The following STK31 variants were observed in gnomAD, a reference collection of about 807,000 sequenced individuals.
The protein encoded by STK31 is serine/threonine-protein kinase 31.
STK31 carries 89 observed loss-of-function variants against 129.7 expected under a neutral mutation model. The observed-to-expected ratio is 0.69, with a 90% CI of 0.58 to 0.82. STK31 has a LOEUF of 0.82. STK31 is among the 40% of genes least tolerant of loss of function. The pLI is 0.00. For synonymous variants in STK31, 448 were observed against 395.3 expected, an observed-to-expected ratio of 1.13 and a Z score of -1.58; for missense variants, 1,187 against 1,176.4, an observed-to-expected ratio of 1.01 and a Z score of -0.13.
At chr7:23,780,745 A>T (rs908890814) in intron 15 of STK31, among the ~76,000 whole-genome samples, 1 of 152,212 alleles carries the variant, frequency 6.6e-6, no homozygotes, top group African/African-American at 2.4e-5. Context: ...GTCAGGGTAA[A>T]ATTCAACAGA....
chr7:23,766,222 C>T (rs929287878), intron 11 of STK31, among the ~76,000 whole-genome samples: 1 of 152,164 alleles, frequency 6.6e-6, no homozygotes, highest in Admixed American at 6.5e-5. Context: ...GTTTCCTTTA[C>T]ACCTTTGACA....
At chr7:23,810,786 A>T (rs1449364197) in intron 22 of STK31, among the ~76,000 whole-genome samples, 9 of 129,956 alleles carry the variant, frequency 6.9e-5, no homozygotes, top group African/African-American at 2.2e-4. Context: ...TATTATATAT[A>T]AATATATAAA....
At chr7:23,716,394 G>C (rs546793678) in intron 3 of STK31, among the ~76,000 whole-genome samples, 1 of 152,142 alleles carries the variant, frequency 6.6e-6, no homozygotes, top group Non-Finnish European at 1.5e-5. Context: ...GCAACTTCCA[G>C]GTTTTTTCGC....
At chr7:23,727,156 G>A (rs1787137131) in intron 4 of STK31, 85 bp from the exon 5 acceptor site, 1 of 1,057,440 alleles carries the variant, frequency 9.5e-7, no homozygotes, top group Non-Finnish European at 1.4e-6. Flanking sequence ...TTGACATATA[G>A]GAAGAGCTTA....
At chr7:23,808,969 G>GTGTGTGTGTGTGCC (rs1352965612) in intron 22 of STK31, among the ~76,000 whole-genome samples, 2 of 145,164 alleles carry the variant, frequency 1.4e-5, no homozygotes, top group African/African-American at 5.1e-5. Flanking sequence ...GTGTGTGTGT[G>GTGTGTGTGTGTGCC]TGCCTGTGTC....
At chr7:23,761,972 A>G (rs953193243) in intron 10 of STK31, among the ~76,000 whole-genome samples, 49 of 151,596 alleles carry the variant, frequency 3.2e-4, no homozygotes, top group Non-Finnish European at 5.8e-4. Flanking sequence ...AGTTTTATTT[A>G]TAGTTTTAAA....
At chr7:23,799,704 A>G (rs1584468066) in intron 22 of STK31, among the ~76,000 whole-genome samples, 1 of 152,372 alleles carries the variant, frequency 6.6e-6, no homozygotes. Flanking sequence ...CTAAAACACC[A>G]AAAGCACTGG....
intron 8 of STK31, among the ~76,000 whole-genome samples, chr7:23,746,610 A>G (rs1402981072): frequency 1.3e-5 from 2 of 152,188 alleles, no homozygotes; most frequent in East Asian, 1.9e-4. Flanking sequence ...TATTTATTGT[A>G]TACTGTATCT....
At chr7:23,825,594 G>A (rs1347024366) in intron 23 of STK31, among the ~76,000 whole-genome samples, 2 of 152,074 alleles carry the variant, frequency 1.3e-5, no homozygotes, top group East Asian at 3.9e-4. Flanking sequence ...GTGTCTATAT[G>A]TACTTCAGTT....
rs60631283 is a variant in STK31, at chr7:23,808,970, T to TGTGTGTGTGTGTGTGTGC, written c.2761-6173_2761-6172insTGTGTGTGTGTGTGTGCG. Among the ~76,000 whole-genome samples, 1,375 of 139,620 alleles carry TGTGTGTGTGTGTGTGTGC rather than the reference T, an allele frequency of 9.8e-3. 27 individuals carry two copies. Among genetic ancestry groups the TGTGTGTGTGTGTGTGTGC allele is most frequent in the South Asian group, 0.018 (71 of 3,944 alleles). 91.6% of individuals were successfully genotyped at this position (139,620 alleles called of 152,430 possible). On this transcript the variant is annotated intron_variant, in intron 22 of 23. Transcript: ENST00000355870. ...GTGTGTGTGTGTGTGTGTGTGTGTGTGCCTGTGTCTGTTGGCATTTCTGGG... is the reference window on the plus strand; with the variant it reads ...GTGTGTGTGTGTGTGTGTGTGTGTGTGTGTGTGTGTGTGTGTGCGCCTGTGTCTGTTGGCATTTCTGGG...
In STK31 at chr7:23,764,033, T is replaced by C. The variant is rs548338934; in HGVS notation, c.1416+1110T>C. Reference sequence around the variant, plus strand: ...TCAGGGACATCTGGGCATTGTTTCTTTCTGTCCTGCTGGATGAAGATGTAG... The same window carrying C: ...TCAGGGACATCTGGGCATTGTTTCTCTCTGTCCTGCTGGATGAAGATGTAG... On this transcript the variant is annotated intron_variant, in intron 11 of 23. Coordinates refer to ENST00000355870, the MANE Select transcript of STK31 (RefSeq NM_031414.5). 7.9e-5 allele frequency among the ~76,000 whole-genome samples: 12 copies of C among 152,324 alleles called. 1 individual carries two copies. In the South Asian group the frequency reaches 2.3e-3, roughly 29 times the overall value.
chr7:23,768,356 C>G (rs1358122123), intron 11 of STK31, among the ~76,000 whole-genome samples: 1 of 152,166 alleles, frequency 6.6e-6, no homozygotes, highest in African/African-American at 2.4e-5. Context: ...ATGAAATTGC[C>G]TCACGATGCA....
Position 23,772,137 on chromosome 7 carries a change from G to A in STK31, c.1834-10G>A. ...ATGTGTTTGAAAATACGTAACTTTT[G>A]TTTACTTAGTTTAAAAAGCAGCTTA... On this transcript the variant is annotated splice_polypyrimidine_tract_variant and intron_variant, in intron 14 of 23. Coordinates refer to ENST00000355870, the MANE Select transcript of STK31 (RefSeq NM_031414.5). 1 of 1,535,788 alleles carries A rather than the reference G, an allele frequency of 6.5e-7. No homozygotes were observed. The highest frequency in any genetic ancestry group is 8.8e-7 in the Non-Finnish European group (1 of 1,137,788).
chr7:23,815,057 C>T, intron 22 of STK31, 87 bp from the exon 23 acceptor site: 3 of 917,942 alleles, frequency 3.3e-6, no homozygotes, highest in African/African-American at 1.7e-5. Context: ...TTTCTAGTCA[C>T]CAGGATCTGA....
chr7:23,810,778 TTATA>T, intron 22 of STK31, among the ~76,000 whole-genome samples: 1 of 106,868 alleles, frequency 9.4e-6, no homozygotes, highest in African/African-American at 4.9e-5. Context: ...TAAATATATA[TTATA>T]TATAAATATA....
At chr7:23,752,685 T>A (rs764925975) in intron 8 of STK31, 32 bp from the exon 9 acceptor site, 6 of 1,468,780 alleles carry the variant, frequency 4.1e-6, no homozygotes, top group Non-Finnish European at 4.8e-6. Flanking sequence ...CCTATTTGGG[T>A]CTCACGAGAA....
intron 23 of STK31, among the ~76,000 whole-genome samples, chr7:23,831,021 T>G (rs1794513290): frequency 6.6e-6 from 1 of 152,228 alleles, no homozygotes; most frequent in Non-Finnish European, 1.5e-5. Flanking sequence ...TTAAAACATT[T>G]TTTGAGCTTT....
At chr7:23,733,790 C>T (rs906934481) in intron 6 of STK31, among the ~76,000 whole-genome samples, 1 of 151,278 alleles carries the variant, frequency 6.6e-6, no homozygotes, top group African/African-American at 2.4e-5. Flanking sequence ...ACCTGGGCGA[C>T]AAAGCCAGAC....
At chr7:23,762,242 C>T (rs974039890) in intron 10 of STK31, among the ~76,000 whole-genome samples, 8 of 144,316 alleles carry the variant, frequency 5.5e-5, no homozygotes, top group African/African-American at 1.8e-4. Context: ...CCCCCTCCCT[C>T]CACCCCGAGA....
Sources: gnomAD v4.1 joint callset for allele counts (sites outside exome capture counted in the v4.1 genomes callset) on GRCh38, gnomAD v4.1.1 for gene constraint, MANE v1.5 for transcripts, NCBI Gene and HGNC (gene_info 2026-07-23, HGNC 2026-07-21) for gene names.